Variants in PHLPP1 observed in about 807,000 individuals in gnomAD.
PHLPP1 encodes the protein PH domain leucine-rich repeat-containing protein phosphatase 1.
Under a neutral mutation model 117.2 loss-of-function variants are expected in PHLPP1, and 42 were observed. That is an observed-to-expected ratio of 0.36 (90% CI 0.28 to 0.46). The LOEUF (loss-of-function observed/expected upper bound fraction) is 0.46. PHLPP1 is among the 20% of genes least tolerant of loss of function. The pLI, the probability that PHLPP1 is intolerant of heterozygous loss-of-function variation, is 1.00. For synonymous variants in PHLPP1, 1,042 were observed against 970.7 expected (o/e 1.07, Z -1.37); for missense variants, 2,084 against 2,241.9 (o/e 0.93, Z 1.42).
chr18:62,721,412 A>C (rs1157156355), intron 1 of PHLPP1, among the ~76,000 whole-genome samples: 1 of 151,560 alleles, frequency 6.6e-6, no homozygotes, highest in Non-Finnish European at 1.5e-5. Flanking sequence ...AAAAGTGGGT[A>C]ACTTTTGAGG....
chr18:62,749,195 A>G (rs557201248), intron 1 of PHLPP1, among the ~76,000 whole-genome samples: 1 of 150,954 alleles, frequency 6.6e-6, no homozygotes, highest in South Asian at 2.1e-4. Context: ...AGATTTACCC[A>G]AAGGCTTGCT....
At chr18:62,800,875 A>G (rs1011690352) in intron 1 of PHLPP1, among the ~76,000 whole-genome samples, 3 of 152,042 alleles carry the variant, frequency 2.0e-5, no homozygotes, top group Admixed American at 1.3e-4. Context: ...ATCTCTTGTC[A>G]CTGTTGGTGG....
intron 1 of PHLPP1, among the ~76,000 whole-genome samples, chr18:62,816,472 C>G (rs1268565153): frequency 6.6e-6 from 1 of 152,112 alleles, no homozygotes; most frequent in East Asian, 1.9e-4. Flanking sequence ...GAGGCTAAGG[C>G]AGGAGAATCA....
At chr18:62,929,473 C>G (rs377286754) in intron 10 of PHLPP1, among the ~76,000 whole-genome samples, 3 of 152,114 alleles carry the variant, frequency 2.0e-5, no homozygotes, top group African/African-American at 7.2e-5. Context: ...TTTCTGTCCA[C>G]ACAGAAAGCT....
chr18:62,832,237 A>C (rs1175672322), intron 2 of PHLPP1: 1 of 152,266 alleles, frequency 6.6e-6, no homozygotes, highest in Non-Finnish European at 1.5e-5. Context: ...TTTGTATCAG[A>C]AGATGAAGTA....
At chr18:62,970,340 A>G (rs936445804) in intron 14 of PHLPP1, among the ~76,000 whole-genome samples, 2 of 152,178 alleles carry the variant, frequency 1.3e-5, no homozygotes, top group African/African-American at 4.8e-5. Flanking sequence ...GTTATTTTCT[A>G]AAGCAGTGTT....
intron 9 of PHLPP1, among the ~76,000 whole-genome samples, chr18:62,916,604 G>GT (rs1568160507): frequency 0.011 from 1,577 of 147,036 alleles, 35 homozygotes; most frequent in African/African-American, 0.037. Flanking sequence ...ACAAGAGGGT[G>GT]GGTGTGTGTG....
intron 1 of PHLPP1, among the ~76,000 whole-genome samples, chr18:62,729,090 G>C (rs1249984815): frequency 2.6e-5 from 4 of 152,076 alleles, no homozygotes; most frequent in Admixed American, 6.5e-5. Context: ...TTTTTTTAGT[G>C]GGAATGGGGG....
At chr18:62,810,723 A>T (rs1004790610) in intron 1 of PHLPP1, among the ~76,000 whole-genome samples, 3 of 152,120 alleles carry the variant, frequency 2.0e-5, no homozygotes, top group African/African-American at 7.2e-5. Context: ...GATAAGGGGG[A>T]CTACTGTACT....
intron 1 of PHLPP1, among the ~76,000 whole-genome samples, chr18:62,804,455 T>C (rs1376565565): frequency 3.9e-5 from 6 of 152,078 alleles, no homozygotes; most frequent in Admixed American, 6.5e-5. Context: ...GTCACACCTG[T>C]AATCCCAGCA....
chr18:62,877,622 C>T (rs1053856100), intron 4 of PHLPP1, among the ~76,000 whole-genome samples: 1 of 152,176 alleles, frequency 6.6e-6, no homozygotes, highest in African/African-American at 2.4e-5. Context: ...GTCTTTTTGT[C>T]AGTTAACTGT....
intron 10 of PHLPP1, among the ~76,000 whole-genome samples, chr18:62,928,887 C>T (rs150026546): frequency 2.2e-3 from 331 of 152,270 alleles, no homozygotes; most frequent in Non-Finnish European, 4.0e-3. Context: ...AGAAGCCAGA[C>T]ACAAAAGGAT....
At chr18:62,921,256 T>C (rs771965204) in intron 10 of PHLPP1, among the ~76,000 whole-genome samples, 5 of 152,234 alleles carry the variant, frequency 3.3e-5, no homozygotes, top group Non-Finnish European at 5.9e-5. Context: ...TAACTTTTAG[T>C]GTATCTCATA....
chr18:62,729,897 T>A (rs1911181702), intron 1 of PHLPP1, among the ~76,000 whole-genome samples: 1 of 152,276 alleles, frequency 6.6e-6, no homozygotes, highest in Non-Finnish European at 1.5e-5. Flanking sequence ...TCACCCTGTA[T>A]GCTAATTACT....
At chr18:62,956,614 T>G (rs1013334168) in intron 12 of PHLPP1, among the ~76,000 whole-genome samples, 2 of 151,812 alleles carry the variant, frequency 1.3e-5, no homozygotes, top group African/African-American at 4.8e-5. Flanking sequence ...TATATATGAA[T>G]AAGACTATAA....
At chr18:62,947,563 CTA>C (rs1003800838) in intron 12 of PHLPP1, among the ~76,000 whole-genome samples, 10 of 152,300 alleles carry the variant, frequency 6.6e-5, no homozygotes, top group African/African-American at 2.2e-4. Context: ...AAACTGGTCT[CTA>C]TGTGTGGTGC....
rs554682199 is a variant in PHLPP1, at chr18:62,979,676, G to C, written c.*245G>C. The C allele has an allele frequency of 3.8e-6, 2 of 528,576 alleles. No homozygotes were observed. The highest frequency in any genetic ancestry group is 6.2e-5 in the East Asian group (2 of 32,080). 32.7% of individuals were successfully genotyped at this position (528,576 alleles called of 1,614,324 possible). A position where few individuals can be genotyped will look rare whatever the true frequency, so the allele number is the denominator to read the frequency against. On this transcript the variant is annotated 3_prime_UTR_variant, in exon 17 of 17. Coordinates refer to ENST00000262719, the MANE Select transcript of PHLPP1 (RefSeq NM_194449.4). The stretch of plus-strand genomic sequence containing the variant: ...GTTAACTTCTCCCCCTAACATATCA[G>C]ATATGTAAAGACAAAGAACAAAAGG...
chr18:62,919,881 T>G, intron 9 of PHLPP1, 78 bp from the exon 10 acceptor site: 1 of 990,416 alleles, frequency 1.0e-6, no homozygotes, highest in Non-Finnish European at 1.5e-6. Flanking sequence ...TCCAAGTGAA[T>G]TTGTGATTTT....
rs186534150 is a variant in PHLPP1 at position 62,818,863 on chromosome 18, G to A, written c.1577-11172G>A. ...ACCTCCTCTTTGCCTTGATGGTACCGTTTGCCAATTTCCATGCTGTAAATA... is the reference window on the plus strand; with the variant it reads ...ACCTCCTCTTTGCCTTGATGGTACCATTTGCCAATTTCCATGCTGTAAATA... On this transcript the variant is annotated intron_variant, in intron 1 of 16. Coordinates refer to ENST00000262719, the MANE Select transcript of PHLPP1 (RefSeq NM_194449.4). Among the ~76,000 whole-genome samples, 49 of 152,270 alleles carry A rather than the reference G, an allele frequency of 3.2e-4. 1 individual carries two copies. Among genetic ancestry groups the A allele is most frequent in the Admixed American group, 3.1e-3 (47 of 15,296 alleles).
Sources: gnomAD v4.1 joint callset for allele counts (sites outside exome capture counted in the v4.1 genomes callset) on GRCh38, gnomAD v4.1.1 for gene constraint, MANE v1.5 for transcripts, NCBI Gene and HGNC (gene_info 2026-07-23, HGNC 2026-07-21) for gene names.